Variants in GALNT13 observed in about 807,000 individuals in gnomAD.
The protein encoded by GALNT13 is polypeptide N-acetylgalactosaminyltransferase 13.
In GALNT13, 28 loss-of-function variants were observed where a neutral mutation model predicts 64.2. The ratio of observed to expected loss-of-function variants is 0.44; its 90% confidence interval spans 0.32 to 0.60. The LOEUF is 0.60. GALNT13 is among the 20% of genes least tolerant of loss of function. The probability of loss-of-function intolerance (pLI) is 0.05; values close to 1 mark genes in which losing one functional copy is unlikely to be tolerated. For missense variants in GALNT13, 577 were observed against 669.8 expected, an observed-to-expected ratio of 0.86 and a Z score of 1.53; for synonymous variants, 214 against 224.6, an observed-to-expected ratio of 0.95 and a Z score of 0.42.
chr2:153,881,272 T>C (rs1272768554), intron 1 of GALNT13, among the ~76,000 whole-genome samples: 1 of 152,170 alleles, frequency 6.6e-6, no homozygotes, highest in Non-Finnish European at 1.5e-5. Flanking sequence ...ACAACCAATA[T>C]ATGGTTCATT....
At chr2:153,114,159 T>C in the GALNT13 span, among the ~76,000 whole-genome samples, 7 of 152,088 alleles carry the variant, frequency 4.6e-5, no homozygotes, top group Non-Finnish European at 1.0e-4. Context: ...AACTTGGAGA[T>C]GATGCTTGAC....
chr2:153,333,125 G>A, the GALNT13 span, among the ~76,000 whole-genome samples: 122,106 of 152,220 alleles, frequency 0.8, 49,883 homozygotes, highest in Middle Eastern at 0.86. Context: ...CCATGCTGGC[G>A]GATTGCCACA....
At chr2:153,096,004 A>G in the GALNT13 span, among the ~76,000 whole-genome samples, 1 of 152,190 alleles carries the variant, frequency 6.6e-6, no homozygotes, top group East Asian at 1.9e-4. Context: ...CATGTTGTGC[A>G]CATGTACCCT....
the GALNT13 span, among the ~76,000 whole-genome samples, chr2:153,381,764 G>C: frequency 6.6e-6 from 1 of 152,076 alleles, no homozygotes; most frequent in Non-Finnish European, 1.5e-5. Context: ...CTGAATTTTA[G>C]AAATTGACAT....
At chr2:153,810,117 C>T in the GALNT13 span, among the ~76,000 whole-genome samples, 9 of 152,168 alleles carry the variant, frequency 5.9e-5, no homozygotes, top group Non-Finnish European at 1.0e-4. Context: ...CCCGCCACCA[C>T]GCCCAGCTAA....
the GALNT13 span, among the ~76,000 whole-genome samples, chr2:153,759,445 A>T: frequency 6.6e-6 from 1 of 152,114 alleles, no homozygotes; most frequent in Non-Finnish European, 1.5e-5. Context: ...GTGGCTTGTC[A>T]TGCATGGCTT....
chr2:153,511,658 G>A, the GALNT13 span, among the ~76,000 whole-genome samples: 1 of 152,118 alleles, frequency 6.6e-6, no homozygotes, highest in Non-Finnish European at 1.5e-5. Flanking sequence ...CAAATGTGTT[G>A]GGTACAAGTT....
At chr2:153,756,039 C>A in the GALNT13 span, among the ~76,000 whole-genome samples, 2 of 152,012 alleles carry the variant, frequency 1.3e-5, no homozygotes, top group African/African-American at 2.4e-5. Context: ...AGTCTTTCAT[C>A]TGTAAGGTAA....
At chr2:153,795,020 AAAAG>A in the GALNT13 span, among the ~76,000 whole-genome samples, 1 of 152,198 alleles carries the variant, frequency 6.6e-6, no homozygotes, top group Non-Finnish European at 1.5e-5. Flanking sequence ...ACTTAAATTA[AAAAG>A]AAAGAAACAA....
chr2:154,397,775 G>A (rs2105366540), intron 10 of GALNT13, among the ~76,000 whole-genome samples: 1 of 152,212 alleles, frequency 6.6e-6, no homozygotes, highest in East Asian at 1.9e-4. Context: ...TCTCTATAGA[G>A]CTTGATTTAC....
the GALNT13 span, among the ~76,000 whole-genome samples, chr2:153,469,113 C>T: frequency 6.6e-6 from 1 of 152,094 alleles, no homozygotes; most frequent in African/African-American, 2.4e-5. Context: ...GGAGGACCAT[C>T]ATGCCAAGAA....
chr2:154,150,063 T>A (rs1683891262), intron 4 of GALNT13, among the ~76,000 whole-genome samples: 1 of 152,126 alleles, frequency 6.6e-6, no homozygotes, highest in African/African-American at 2.4e-5. Context: ...TCGCTGTGGG[T>A]TTGTCATAGA....
the GALNT13 span, among the ~76,000 whole-genome samples, chr2:153,535,219 T>G: frequency 6.6e-6 from 1 of 152,102 alleles, no homozygotes; most frequent in African/African-American, 2.4e-5. Context: ...CGGTTTTGTA[T>G]GAATTGAAAA....
chr2:153,206,914 C>G, the GALNT13 span, among the ~76,000 whole-genome samples: 1 of 152,024 alleles, frequency 6.6e-6, no homozygotes, highest in African/African-American at 2.4e-5. Context: ...TTACAACTCA[C>G]AGCCAATTCT....
chr2:153,489,878 C>T, the GALNT13 span, among the ~76,000 whole-genome samples: 16,587 of 151,914 alleles, frequency 0.11, 1,010 homozygotes, highest in African/African-American at 0.17. Flanking sequence ...AAAGAGGAAG[C>T]TTCACTGAGG....
chr2:153,578,697 T>C, the GALNT13 span, among the ~76,000 whole-genome samples: 1 of 152,230 alleles, frequency 6.6e-6, no homozygotes, highest in Admixed American at 6.5e-5. Flanking sequence ...ATTTTGCCTG[T>C]AGAATTGCAG....
At chr2:153,824,020 C>G in the GALNT13 span, among the ~76,000 whole-genome samples, 1 of 152,112 alleles carries the variant, frequency 6.6e-6, no homozygotes, top group Non-Finnish European at 1.5e-5. Context: ...AAAGAATGCT[C>G]CACATCACTA....
At chr2:153,412,911 C>T in the GALNT13 span, among the ~76,000 whole-genome samples, 16 of 152,190 alleles carry the variant, frequency 1.1e-4, no homozygotes, top group Admixed American at 9.8e-4. Flanking sequence ...AGGGCCTAAG[C>T]AGAAATCACA....
At chr2:153,189,683 T>C in the GALNT13 span, among the ~76,000 whole-genome samples, 1 of 152,198 alleles carries the variant, frequency 6.6e-6, no homozygotes, top group Non-Finnish European at 1.5e-5. Flanking sequence ...CATACAGTGA[T>C]TCATAATGGC....
Sources: gnomAD v4.1 joint callset for allele counts (sites outside exome capture counted in the v4.1 genomes callset) on GRCh38, gnomAD v4.1.1 for gene constraint, MANE v1.5 for transcripts, NCBI Gene and HGNC (gene_info 2026-07-23, HGNC 2026-07-21) for gene names.